The following GALNT16 variants were observed in gnomAD, a reference collection of about 807,000 sequenced individuals.
GALNT16 encodes polypeptide N-acetylgalactosaminyltransferase 16, also known as UDP-GalNAc:polypeptide N-acetylgalactosaminyltransferase-like protein 1.
In GALNT16, 40 loss-of-function variants were observed where a neutral mutation model predicts 76.1. That is an observed-to-expected ratio of 0.53 (90% CI 0.41 to 0.68). GALNT16 has a LOEUF of 0.68. Among genes scored for constraint, GALNT16 ranks in the 30% least tolerant of loss-of-function variants. The probability of loss-of-function intolerance (pLI) is 0.00; values close to 1 mark genes in which losing one functional copy is unlikely to be tolerated. For missense variants in GALNT16, 621 were observed against 731.9 expected (o/e 0.85, Z 1.75); for synonymous variants, 276 against 285.2 (o/e 0.97, Z 0.32).
At chr14:69,312,975 G>C (rs1322291804) in intron 1 of GALNT16, among the ~76,000 whole-genome samples, 2 of 152,192 alleles carry the variant, frequency 1.3e-5, no homozygotes, top group African/African-American at 2.4e-5. Flanking sequence ...CCTCAATTTT[G>C]GTCCCGGCTA....
intron 2 of GALNT16, 21 bp from the exon 3 acceptor site, chr14:69,324,671 A>T (rs1461730031): frequency 6.7e-7 from 1 of 1,481,558 alleles, no homozygotes. Flanking sequence ...GCTGGCTCTG[A>T]CCTCTGTGCT....
At chr14:69,377,243 A>G in the GALNT16 span, among the ~76,000 whole-genome samples, 1 of 152,346 alleles carries the variant, frequency 6.6e-6, no homozygotes, top group East Asian at 1.9e-4. Flanking sequence ...AGCTATTCAT[A>G]TTATGGGGCT....
intron 4 of GALNT16, 38 bp downstream of exon 4, chr14:69,325,442 G>GC (rs1819164896): frequency 4.1e-6 from 5 of 1,206,472 alleles, no homozygotes; most frequent in Non-Finnish European, 5.0e-6. Flanking sequence ...CCTCCATTCC[G>GC]CCCTCGTCCC....
chr14:69,285,107 C>T (rs1463390165), intron 1 of GALNT16, among the ~76,000 whole-genome samples: 1 of 142,716 alleles, frequency 7.0e-6, no homozygotes, highest in Non-Finnish European at 1.5e-5. Context: ...GCAGCAAGAT[C>T]TCGGCTCACT....
chr14:69,260,460 CG>C lies in GALNT16; in HGVS notation c.171del (p.Leu58SerfsTer3). ...SEQLREDRTI[P>X]LIVTGTPSKG... ...CAGCTCCGCGAGGACCGCACCATCCCGCTCATTGTGAGTACGCCCCGAGCGT... is the reference window on the plus strand; with the variant it reads ...CAGCTCCGCGAGGACCGCACCATCCCCTCATTGTGAGTACGCCCCGAGCGT... On this transcript the variant is annotated frameshift_variant, in exon 1 of 15. Transcript: ENST00000448469. LOFTEE classifies it high-confidence loss of function. 2.0e-6 allele frequency: 3 copies of C among 1,505,836 alleles called. No individual in the cohort carries two copies. The highest frequency in any genetic ancestry group is 2.7e-6 in the Non-Finnish European group (3 of 1,128,094). The allele number at this position is 1,505,836 out of a possible 1,614,324, so 93.3% of individuals were successfully genotyped here.
chr14:69,370,746 C>A, the GALNT16 span, among the ~76,000 whole-genome samples: 1 of 152,074 alleles, frequency 6.6e-6, no homozygotes, highest in Admixed American at 6.5e-5. Context: ...GAAAAAATAA[C>A]CACAATGGCA....
rs149130156 is a variant in GALNT16 at position 69,273,388 on chromosome 14, T to C, written c.177+12921T>C. Among the ~76,000 whole-genome samples, 1,043 of 152,304 alleles carry C rather than the reference T, an allele frequency of 6.8e-3. 7 individuals carry two copies. Among genetic ancestry groups the C allele is most frequent in the Middle Eastern group, 0.034 (10 of 294 alleles). The stretch of plus-strand genomic sequence containing the variant: ...CTCAGCTCTAATGCCAACTCAGAAC[T>C]TGTGGAAGTGGCAGCCTGGAGCACT... On this transcript the variant is annotated intron_variant, in intron 1 of 14. Transcript: ENST00000448469.
the GALNT16 span, among the ~76,000 whole-genome samples, chr14:69,383,233 C>A: frequency 6.6e-6 from 1 of 152,210 alleles, no homozygotes; most frequent in African/African-American, 2.4e-5. Flanking sequence ...TTCATGCCTA[C>A]ATTTTATTAT....
intron 12 of GALNT16, among the ~76,000 whole-genome samples, chr14:69,343,007 G>A (rs2045514897): frequency 6.6e-6 from 1 of 152,222 alleles, no homozygotes; most frequent in Non-Finnish European, 1.5e-5. Context: ...CTATGAGGGT[G>A]GAGGCTTTGA....
At chr14:69,314,559 G>A (rs1232920530) in intron 1 of GALNT16, among the ~76,000 whole-genome samples, 2 of 152,240 alleles carry the variant, frequency 1.3e-5, no homozygotes, top group Non-Finnish European at 2.9e-5. Context: ...CTGGTTGGAT[G>A]AGACCACTGG....
At chr14:69,373,488 A>G in the GALNT16 span, among the ~76,000 whole-genome samples, 1 of 152,244 alleles carries the variant, frequency 6.6e-6, no homozygotes, top group East Asian at 1.9e-4. Flanking sequence ...CAACCTTTTC[A>G]CAGTATGTCT....
At chr14:69,309,316 T>TTA (rs2044982162) in intron 1 of GALNT16, among the ~76,000 whole-genome samples, 1 of 148,702 alleles carries the variant, frequency 6.7e-6, no homozygotes. Flanking sequence ...TTTTTTTTTT[T>TTA]ATTTGAGACA....
In GALNT16 at chr14:69,333,037, C is replaced by A; in HGVS notation, c.779-48C>A. ...GTGGTGGAGTGAAGGGTCTCAGCAG[C>A]CCGCAGCTCTGCCCTGAGCTCTGTC... On this transcript the variant is annotated intron_variant, in intron 7 of 14. Coordinates refer to ENST00000448469, the MANE Select transcript of GALNT16 (RefSeq NM_001168368.2). The surrounding 1 kb of genome is among the most constrained non-coding windows in gnomAD (Gnocchi z 4.2). 1 of 1,345,718 alleles carries A rather than the reference C, an allele frequency of 7.4e-7. No individual in the cohort carries two copies. Among genetic ancestry groups the A allele is most frequent in the Non-Finnish European group, 1.1e-6 (1 of 935,106 alleles). The allele number at this position is 1,345,718 out of a possible 1,614,324, so 83.4% of individuals were successfully genotyped here.
At chr14:69,340,452 G>A (rs2045471841) in intron 11 of GALNT16, among the ~76,000 whole-genome samples, 2 of 151,698 alleles carry the variant, frequency 1.3e-5, no homozygotes. Context: ...CTCGATGCGT[G>A]GCGAATTCAA....
chr14:69,267,356 A>G (rs1296256088), intron 1 of GALNT16, among the ~76,000 whole-genome samples: 1 of 152,224 alleles, frequency 6.6e-6, no homozygotes, highest in African/African-American at 2.4e-5. Context: ...CGATCATATT[A>G]TATAGGCAAG....
intron 1 of GALNT16, among the ~76,000 whole-genome samples, chr14:69,309,202 A>G (rs544313232): frequency 1.3e-5 from 2 of 152,260 alleles, no homozygotes; most frequent in East Asian, 1.9e-4. Flanking sequence ...GAAGAAATGC[A>G]TAAGGCAAGA....
chr14:69,306,661 G>A (rs1293801609), intron 1 of GALNT16, among the ~76,000 whole-genome samples: 1 of 152,102 alleles, frequency 6.6e-6, no homozygotes, highest in East Asian at 1.9e-4. Flanking sequence ...GATTAAAATA[G>A]GAATCCTGGG....
At chr14:69,342,540 GAAAA>G (rs2045507805) in intron 12 of GALNT16, among the ~76,000 whole-genome samples, 3 of 146,768 alleles carry the variant, frequency 2.0e-5, no homozygotes, top group Admixed American at 6.9e-5. Context: ...GAAAAGAAAA[GAAAA>G]GGAGAGAATC....
At chr14:69,377,362 TTTTTAC>T in the GALNT16 span, among the ~76,000 whole-genome samples, 1 of 152,180 alleles carries the variant, frequency 6.6e-6, no homozygotes, top group African/African-American at 2.4e-5. Context: ...TTTATTTTTA[TTTTTAC>T]CATTAATAGA....
Sources: allele counts gnomAD v4.1 joint callset (sites outside exome capture counted in the v4.1 genomes callset), GRCh38; gene constraint gnomAD v4.1.1; non-coding constraint Gnocchi (gnomAD v3.1); transcripts MANE v1.5; gene names NCBI Gene and HGNC (gene_info 2026-07-23, HGNC 2026-07-21).